Variants in ENOX1 observed in about 807,000 individuals in gnomAD.
ENOX1 encodes the protein ecto-NOX disulfide-thiol exchanger 1, also known as candidate growth-related and time keeping constitutive hydroquinone (NADH) oxidase.
In ENOX1, 42 loss-of-function variants were observed where a neutral mutation model predicts 82.5. The ratio of observed to expected loss-of-function variants is 0.51; its 90% CI spans 0.40 to 0.66. The LOEUF is 0.66. Among genes scored for constraint, ENOX1 ranks in the 30% least tolerant of loss-of-function variants. The pLI, the probability that ENOX1 is intolerant of heterozygous loss-of-function variation, is 0.00. For missense variants in ENOX1, 608 were observed against 811.6 expected, an observed-to-expected ratio of 0.75 and a Z score of 3.05; for synonymous variants, 271 against 282.2, an observed-to-expected ratio of 0.96 and a Z score of 0.40.
chr13:43,767,658 T>C (rs565674419), intron 1 of ENOX1, among the ~76,000 whole-genome samples: 17 of 152,174 alleles, frequency 1.1e-4, no homozygotes, highest in African/African-American at 4.1e-4. Context: ...AGAGCATCAG[T>C]GGGAAATAAT....
intron 5 of ENOX1, among the ~76,000 whole-genome samples, chr13:43,371,616 A>T (rs1057483101): frequency 6.6e-6 from 1 of 152,260 alleles, no homozygotes; most frequent in Admixed American, 6.5e-5. Flanking sequence ...ATTTCTGTTT[A>T]CAAAGGCATG....
chr13:43,475,679 G>A (rs1357218793), intron 3 of ENOX1, among the ~76,000 whole-genome samples: 1 of 151,082 alleles, frequency 6.6e-6, no homozygotes, highest in African/African-American at 2.4e-5. Context: ...TTGAACCTAG[G>A]AAGGGCTGTG....
chr13:43,582,711 C>A (rs990279759), intron 2 of ENOX1, among the ~76,000 whole-genome samples: 2 of 152,086 alleles, frequency 1.3e-5, no homozygotes, highest in East Asian at 3.8e-4. Flanking sequence ...GCAGCTGGAA[C>A]TACAGGCGCA....
At chr13:43,435,288 T>C (rs2055951320) in intron 3 of ENOX1, among the ~76,000 whole-genome samples, 1 of 152,000 alleles carries the variant, frequency 6.6e-6, no homozygotes, top group South Asian at 2.1e-4. Context: ...TGGGAAGCAT[T>C]AAGGGGTAGT....
intron 3 of ENOX1, among the ~76,000 whole-genome samples, chr13:43,474,426 C>T (rs920693283): frequency 6.6e-6 from 1 of 152,266 alleles, no homozygotes; most frequent in African/African-American, 2.4e-5. Context: ...GTATTAAGAG[C>T]ACACTTGAAA....
chr13:43,256,657 A>G (rs982297750), intron 14 of ENOX1, among the ~76,000 whole-genome samples: 4 of 152,202 alleles, frequency 2.6e-5, no homozygotes, highest in East Asian at 1.9e-4. Flanking sequence ...AAGACAAAAA[A>G]TAATGGATGG....
At chr13:43,586,891 T>C (rs1386701715) in intron 2 of ENOX1, among the ~76,000 whole-genome samples, 6 of 142,460 alleles carry the variant, frequency 4.2e-5, no homozygotes, top group Admixed American at 1.5e-4. Context: ...GGTGAAACCC[T>C]GTCTCTACTA....
chr13:43,603,837 G>A (rs147694554), intron 2 of ENOX1, among the ~76,000 whole-genome samples: 29,959 of 97,456 alleles, frequency 0.31, 5,513 homozygotes, highest in East Asian at 0.71. Context: ...GAATAATGCT[G>A]CAATAAACAT....
intron 1 of ENOX1, among the ~76,000 whole-genome samples, chr13:43,677,742 C>A (rs1277053084): frequency 6.6e-6 from 1 of 152,146 alleles, no homozygotes; most frequent in Non-Finnish European, 1.5e-5. Context: ...TTATTAAATG[C>A]ACACATCCTG....
intron 15 of ENOX1, among the ~76,000 whole-genome samples, chr13:43,229,504 C>G (rs1313230093): frequency 1.3e-5 from 2 of 152,168 alleles, no homozygotes; most frequent in Non-Finnish European, 2.9e-5. Context: ...GGGGCCAGAT[C>G]ACGCAGGACC....
chr13:43,231,913 T>A (rs896171863), intron 15 of ENOX1, among the ~76,000 whole-genome samples: 3 of 152,124 alleles, frequency 2.0e-5, no homozygotes, highest in African/African-American at 7.2e-5. Context: ...AGTATTGCAA[T>A]GAACAGGATC....
intron 3 of ENOX1, among the ~76,000 whole-genome samples, chr13:43,466,819 T>G (rs1311873310): frequency 6.6e-6 from 1 of 152,164 alleles, no homozygotes; most frequent in Non-Finnish European, 1.5e-5. Context: ...CCCAGTCCCT[T>G]ATAACCACTA....
chr13:43,387,371 C>G (rs1157990), intron 5 of ENOX1, among the ~76,000 whole-genome samples: 149,271 of 152,202 alleles, frequency 0.98, 73,270 homozygotes, highest in East Asian at 1. Flanking sequence ...ATATGGAGGA[C>G]GAGATTATAG....
chr13:43,661,032 G>C lies in ENOX1; in HGVS notation c.-219+6447C>G, dbSNP rs1594304994. ...AGTTCACTACCATCTTATAAAAAGA[G>C]ATACAATAAAATGCATTTTTTCGTG... On this transcript the variant is annotated intron_variant, in intron 2 of 16. Transcript: ENST00000690772. Among the ~76,000 whole-genome samples, 4 of 152,180 alleles carry C rather than the reference G, an allele frequency of 2.6e-5. No homozygotes were observed. The South Asian group carries it at 8.3e-4, about 32-fold the overall frequency.
At chr13:43,652,907 G>A (rs1660332752) in intron 2 of ENOX1, among the ~76,000 whole-genome samples, 1 of 152,244 alleles carries the variant, frequency 6.6e-6, no homozygotes, top group South Asian at 2.1e-4. Context: ...CCTGGGAGAT[G>A]CATGGCAGAA....
intron 1 of ENOX1, among the ~76,000 whole-genome samples, chr13:43,715,405 C>T (rs745499504): frequency 4.0e-5 from 6 of 151,580 alleles, no homozygotes; most frequent in South Asian, 2.1e-4. Context: ...TTGCTCTTCT[C>T]GGAGTGTCTT....
At chr13:43,462,818 T>A (rs917985392) in intron 3 of ENOX1, among the ~76,000 whole-genome samples, 1 of 152,162 alleles carries the variant, frequency 6.6e-6, no homozygotes, top group African/African-American at 2.4e-5. Context: ...CAAATGAACA[T>A]CAGACGAAAC....
chr13:43,489,590 C>A lies in ENOX1; in HGVS notation c.-218-5438G>T, dbSNP rs142395597. On this transcript the variant is annotated intron_variant, in intron 2 of 16. Transcript: ENST00000690772. ...TGCAGAGAGTCCCCAGTAGGGCAAT[C>A]CTTAGTGCAGCCATGGGGGCAGGTT... Among the ~76,000 whole-genome samples, 1,060 of 152,242 alleles carry A rather than the reference C, an allele frequency of 7.0e-3. 9 individuals are homozygous for A. Among genetic ancestry groups the A allele is most frequent in the African/African-American group, 0.024 (980 of 41,556 alleles).
intron 12 of ENOX1, among the ~76,000 whole-genome samples, chr13:43,272,091 GATTT>G (rs1380763023): frequency 2.0e-5 from 3 of 151,988 alleles, no homozygotes; most frequent in Admixed American, 6.6e-5. Flanking sequence ...TACTGAGCTT[GATTT>G]ATTATTATTT....
Sources: gnomAD v4.1 joint callset for allele counts (sites outside exome capture counted in the v4.1 genomes callset) on GRCh38, gnomAD v4.1.1 for gene constraint, MANE v1.5 for transcripts, NCBI Gene and HGNC (gene_info 2026-07-23, HGNC 2026-07-21) for gene names.